The following MAEL variants were observed in gnomAD, a reference collection of about 807,000 sequenced individuals.
The protein encoded by MAEL is maelstrom spermatogenic transposon silencer, also known as protein maelstrom homolog.
A neutral mutation model predicts 62.0 loss-of-function variants in MAEL; 46 were observed. The observed-to-expected ratio is 0.74, with a 90% CI of 0.59 to 0.95. The LOEUF is 0.95. Among genes scored for constraint, MAEL ranks in the 40% least tolerant of loss-of-function variants. The probability of loss-of-function intolerance (pLI) is 0.00; values close to 1 mark genes in which losing one functional copy is unlikely to be tolerated. For synonymous variants in MAEL, 172 were observed against 175.5 expected, an observed-to-expected ratio of 0.98 and a Z score of 0.16; for missense variants, 497 against 526.8, an observed-to-expected ratio of 0.94 and a Z score of 0.55.
intron 8 of MAEL, among the ~76,000 whole-genome samples, chr1:167,011,588 C>T (rs1189459094): frequency 6.6e-6 from 1 of 152,130 alleles, no homozygotes; most frequent in Non-Finnish European, 1.5e-5. Context: ...CATATCCTTT[C>T]TGCAAGTTTT....
At position 167,007,827 on chromosome 1, in the gene MAEL, A is replaced by G. The variant is rs568709689; in HGVS notation, c.845+2430A>G. ...CCACTATTTTTAAAAAAAGACATACAACTGTTTAGAGTTTGTTTATAATCG... is the reference window on the plus strand; with the variant it reads ...CCACTATTTTTAAAAAAAGACATACGACTGTTTAGAGTTTGTTTATAATCG... On this transcript the variant is annotated intron_variant, in intron 8 of 11. Transcript: ENST00000367872. 1.8e-3 allele frequency among the ~76,000 whole-genome samples: 271 copies of G among 152,234 alleles called. 1 individual carries two copies. Among genetic ancestry groups the G allele is most frequent in the African/African-American group, 6.0e-3 (249 of 41,564 alleles).
rs528621532 is a variant in MAEL at position 167,007,739 on chromosome 1, A to G, written c.845+2342A>G. 2.0e-5 allele frequency among the ~76,000 whole-genome samples: 3 copies of G among 152,126 alleles called. No individual in the cohort carries two copies. The East Asian group carries it at 5.8e-4, about 29-fold the overall frequency. ...AGTTCTCTAGTTTTTTTACTTTTTAAAAAATTTCCTTTCTCTGAGAATGAG... is the reference window on the plus strand; with the variant it reads ...AGTTCTCTAGTTTTTTTACTTTTTAGAAAATTTCCTTTCTCTGAGAATGAG... On this transcript the variant is annotated intron_variant, in intron 8 of 11. Coordinates refer to ENST00000367872, the MANE Select transcript of MAEL (RefSeq NM_032858.3).
chr1:166,991,539 C>A, intron 3 of MAEL, 62 bp downstream of exon 3: 1 of 962,708 alleles, frequency 1.0e-6, no homozygotes, highest in South Asian at 1.3e-5. Context: ...CTATATTTGT[C>A]AGTAAAAATA....
intron 10 of MAEL, among the ~76,000 whole-genome samples, chr1:167,018,357 C>G (rs1665482288): frequency 1.3e-5 from 2 of 152,170 alleles, no homozygotes; most frequent in Non-Finnish European, 2.9e-5. Context: ...CCTTCCTTCC[C>G]TCCCTGCCGT....
At chr1:166,979,578 A>T (rs556049037) in intron 1 of MAEL, among the ~76,000 whole-genome samples, 7 of 152,384 alleles carry the variant, frequency 4.6e-5, no homozygotes, top group South Asian at 2.1e-4. Flanking sequence ...ACAAAACAAA[A>T]CAAAATCTGA....
chr1:166,999,564 G>A (rs1190112940), intron 5 of MAEL, among the ~76,000 whole-genome samples: 1 of 152,222 alleles, frequency 6.6e-6, no homozygotes, highest in East Asian at 1.9e-4. Flanking sequence ...CAAAGTGAAG[G>A]AGCAAGTGCT....
chr1:166,976,843 A>G (rs1028582466), intron 1 of MAEL, among the ~76,000 whole-genome samples: 1 of 152,180 alleles, frequency 6.6e-6, no homozygotes, highest in Non-Finnish European at 1.5e-5. Flanking sequence ...GCTGTCTTTT[A>G]TGGCTGCCTG....
At chr1:167,003,472 T>G (rs549856497) in intron 5 of MAEL, among the ~76,000 whole-genome samples, 1 of 152,316 alleles carries the variant, frequency 6.6e-6, no homozygotes, top group Non-Finnish European at 1.5e-5. Flanking sequence ...CTTATGATAA[T>G]GTTAACTTCC....
chr1:166,998,045 G>T (rs934248888), intron 5 of MAEL, among the ~76,000 whole-genome samples: 1 of 152,054 alleles, frequency 6.6e-6, no homozygotes, highest in African/African-American at 2.4e-5. Flanking sequence ...ATTCTGTTCT[G>T]TTCTACTTTT....
At chr1:167,019,248 A>G (rs1665520418) in intron 10 of MAEL, among the ~76,000 whole-genome samples, 1 of 152,180 alleles carries the variant, frequency 6.6e-6, no homozygotes, top group Non-Finnish European at 1.5e-5. Flanking sequence ...CTTCCACAAC[A>G]AAGCATTTTC....
chr1:167,005,313 A>G lies in MAEL; in HGVS notation c.761A>G (p.Gln254Arg), dbSNP rs1664846057. The G allele has an allele frequency of 1.2e-6, 2 of 1,613,744 alleles. No homozygotes were observed. Among genetic ancestry groups the G allele is most frequent in the Admixed American group, 1.7e-5 (1 of 59,944 alleles). The change falls in exon 8 of 12, where the codon CAA becomes CGA. Residue 254 changes from glutamine to arginine, a missense_variant. By Grantham distance (43) the Gln-to-Arg change is conservative. Coordinates refer to ENST00000367872, the MANE Select transcript of MAEL (RefSeq NM_032858.3). The stretch of plus-strand genomic sequence containing the variant: ...GAGGACCTTGTAGTGGGGATCTACC[A>G]ACAAAAATTTCTCAAGGAGCCCTCT... ...TVEDLVVGIY[Q>R]QKFLKEPSKT...
chr1:166,981,810 T>G (rs1663766542), intron 1 of MAEL, among the ~76,000 whole-genome samples: 1 of 152,188 alleles, frequency 6.6e-6, no homozygotes, highest in Non-Finnish European at 1.5e-5. Context: ...AAAGGTAGGC[T>G]GAGGTTGAAC....
upstream of MAEL, among the ~76,000 whole-genome samples, chr1:166,984,532 TTGTATC>T (rs1218551689): frequency 4.6e-5 from 7 of 152,220 alleles, no homozygotes; most frequent in African/African-American, 1.7e-4. Flanking sequence ...TATATACTAT[TTGTATC>T]TGTCAATTAA....
At chr1:167,004,363 AAAAC>A (rs1161500386) in intron 6 of MAEL, 59 bp downstream of exon 6, 2 of 1,476,000 alleles carry the variant, frequency 1.4e-6, no homozygotes, top group African/African-American at 2.9e-5. Context: ...AAAGATCCAT[AAAAC>A]AAAGAATTTT....
At chr1:166,990,932 C>T (rs1664144942) in intron 2 of MAEL, among the ~76,000 whole-genome samples, 1 of 152,176 alleles carries the variant, frequency 6.6e-6, no homozygotes, top group South Asian at 2.1e-4. Context: ...TACTTGCAAG[C>T]CTTATTCTTA....
chr1:166,986,903 A>C (rs1028693053), upstream of MAEL, among the ~76,000 whole-genome samples: 2 of 151,530 alleles, frequency 1.3e-5, no homozygotes, highest in Non-Finnish European at 2.9e-5. Context: ...TTAAGGAAAA[A>C]ATCTGGAAGG....
chr1:167,005,033 A>G lies in MAEL; in HGVS notation c.649-43A>G, dbSNP rs375328486. 751 of 1,582,542 alleles carry G rather than the reference A, an allele frequency of 4.7e-4. 4 individuals carry two copies. Among genetic ancestry groups the G allele is most frequent in the Middle Eastern group, 8.4e-4 (5 of 5,974 alleles). ...AGTCATTCAAAGTAGGAGAAGATACAAGTAGTTTTTTTGTTTTGTTTTTTG... is the reference window on the plus strand; with the variant it reads ...AGTCATTCAAAGTAGGAGAAGATACGAGTAGTTTTTTTGTTTTGTTTTTTG... On this transcript the variant is annotated intron_variant, in intron 6 of 11. Coordinates refer to ENST00000367872, the MANE Select transcript of MAEL (RefSeq NM_032858.3).
chr1:167,007,557 TTGTGTG>T (rs71073634), intron 8 of MAEL, among the ~76,000 whole-genome samples: 3,954 of 128,406 alleles, frequency 0.031, 57 homozygotes, highest in Middle Eastern at 0.05. Flanking sequence ...AAATATATGT[TTGTGTG>T]TGTGTGTGTG....
At chr1:167,016,334 A>G in intron 9 of MAEL, 50 bp downstream of exon 9, 2 of 1,564,176 alleles carry the variant, frequency 1.3e-6, no homozygotes, top group Non-Finnish European at 1.8e-6. Flanking sequence ...TGATTAAATT[A>G]TTCTGTGCCG....
Sources: gnomAD v4.1 joint callset for allele counts (sites outside exome capture counted in the v4.1 genomes callset) on GRCh38, gnomAD v4.1.1 for gene constraint, MANE v1.5 for transcripts, NCBI Gene and HGNC (gene_info 2026-07-23, HGNC 2026-07-21) for gene names.